Variants in KCMF1 observed in about 807,000 individuals in gnomAD.
KCMF1 encodes E3 ubiquitin-protein ligase KCMF1.
In KCMF1, 3 loss-of-function variants were observed where a neutral mutation model predicts 41.1. The ratio of observed to expected loss-of-function variants is 0.07; its 90% CI spans 0.03 to 0.19. The LOEUF is 0.19. Ranked by LOEUF, KCMF1 falls within the 10% of genes least tolerant of loss-of-function variation. KCMF1 has a pLI of 1.00. For missense variants in KCMF1, 286 were observed against 488.9 expected, an observed-to-expected ratio of 0.58 and a Z score of 3.91; for synonymous variants, 142 against 164.5, an observed-to-expected ratio of 0.86 and a Z score of 1.04.
intron 1 of KCMF1, among the ~76,000 whole-genome samples, chr2:85,026,645 T>C (rs1181232017): frequency 6.6e-6 from 1 of 151,588 alleles, no homozygotes; most frequent in Non-Finnish European, 1.5e-5. Context: ...CAGGCCACAA[T>C]GCCCAGCTAA....
At chr2:84,975,128 C>G (rs920516677) in intron 1 of KCMF1, among the ~76,000 whole-genome samples, 2 of 151,942 alleles carry the variant, frequency 1.3e-5, no homozygotes, top group Non-Finnish European at 2.9e-5. Flanking sequence ...GTGGACCGGC[C>G]GTGGTGGCTC....
Position 85,053,433 on chromosome 2 carries a change from G to T in KCMF1, c.*24G>T. 1 of 1,602,578 alleles carries T rather than the reference G, an allele frequency of 6.2e-7. No homozygotes were observed. The highest frequency in any genetic ancestry group is 1.1e-5 in the South Asian group (1 of 89,042). On this transcript the variant is annotated 3_prime_UTR_variant, in exon 7 of 7. Coordinates refer to ENST00000409785, the MANE Select transcript of KCMF1 (RefSeq NM_020122.5). ...GATGACATCCCAATTCGCAGACAAT[G>T]TCCTCTGTGCTGTATTTGCCAATGA...
At chr2:85,003,465 GAGA>G (rs1674383944) in intron 1 of KCMF1, among the ~76,000 whole-genome samples, 1 of 151,518 alleles carries the variant, frequency 6.6e-6, no homozygotes, top group Non-Finnish European at 1.5e-5. Flanking sequence ...GCGACAGAGT[GAGA>G]CTCCGTCTCA....
intron 1 of KCMF1, among the ~76,000 whole-genome samples, chr2:84,983,075 A>G (rs1169424448): frequency 1.3e-5 from 2 of 152,210 alleles, no homozygotes; most frequent in Admixed American, 6.5e-5. Context: ...CATATTTTCT[A>G]CAAGCTTTTT....
intron 1 of KCMF1, among the ~76,000 whole-genome samples, chr2:84,976,203 CCTT>C (rs1169712791): frequency 1.8e-3 from 264 of 149,218 alleles, no homozygotes; most frequent in Non-Finnish European, 2.6e-3. Context: ...CTTCTTAACT[CCTT>C]TTTTTTTTTT....
chr2:84,978,958 C>T (rs1673629546), intron 1 of KCMF1, among the ~76,000 whole-genome samples: 1 of 152,048 alleles, frequency 6.6e-6, no homozygotes, highest in African/African-American at 2.4e-5. Context: ...AGGTGATCTG[C>T]CCACCTCAGC....
intron 2 of KCMF1, among the ~76,000 whole-genome samples, chr2:85,030,678 C>T (rs1675245969): frequency 6.6e-6 from 1 of 152,080 alleles, no homozygotes; most frequent in Admixed American, 6.5e-5. Context: ...TCAGTCTATT[C>T]ACATTGATCT....
At chr2:84,972,675 T>C (rs1673431130) in intron 1 of KCMF1, among the ~76,000 whole-genome samples, 1 of 152,184 alleles carries the variant, frequency 6.6e-6, no homozygotes. Context: ...CTTTGGGAAA[T>C]ACGGACCTTA....
In KCMF1 at chr2:84,971,472, G is replaced by A; in HGVS notation, c.16+5G>A. On this transcript the variant is annotated splice_donor_5th_base_variant and intron_variant, in intron 1 of 6. Coordinates refer to ENST00000409785, the MANE Select transcript of KCMF1 (RefSeq NM_020122.5). ...CTAGGATGTCCCGACATGAAGGTGAGAGGAGCCCCCGCCCCCACCCGCACC... is the reference window on the plus strand; with the variant it reads ...CTAGGATGTCCCGACATGAAGGTGAAAGGAGCCCCCGCCCCCACCCGCACC... 1 of 1,279,484 alleles carries A rather than the reference G, an allele frequency of 7.8e-7. No homozygotes were observed. The highest frequency in any genetic ancestry group is 1.0e-6 in the Non-Finnish European group (1 of 990,362). 79.3% of individuals were successfully genotyped at this position (1,279,484 alleles called of 1,614,324 possible).
chr2:84,992,474 T>TC (rs1439018741), intron 1 of KCMF1, among the ~76,000 whole-genome samples: 1 of 152,102 alleles, frequency 6.6e-6, no homozygotes, highest in Non-Finnish European at 1.5e-5. Flanking sequence ...CAGGCTGGTC[T>TC]CAAACTCCTG....
chr2:85,049,223 G>C, intron 5 of KCMF1, 143 bp from the exon 6 acceptor site: 1 of 756,514 alleles, frequency 1.3e-6, no homozygotes, highest in South Asian at 1.8e-5. Context: ...ATTCTAGAAG[G>C]ATTCAGCTCT....
At chr2:85,030,200 G>C (rs536308262) in intron 2 of KCMF1, among the ~76,000 whole-genome samples, 1 of 151,820 alleles carries the variant, frequency 6.6e-6, no homozygotes, top group South Asian at 2.1e-4. Flanking sequence ...ATGTGTCTTT[G>C]TTATTGAATT....
chr2:84,978,633 G>C (rs940749784), intron 1 of KCMF1, among the ~76,000 whole-genome samples: 2 of 150,980 alleles, frequency 1.3e-5, no homozygotes, highest in Non-Finnish European at 1.5e-5. Flanking sequence ...TGTGGCCTCT[G>C]TCTCCCAGGT....
chr2:85,037,166 C>G (rs538261670), intron 3 of KCMF1, among the ~76,000 whole-genome samples: 1 of 152,138 alleles, frequency 6.6e-6, no homozygotes, highest in South Asian at 2.1e-4. Context: ...GTACATAGCC[C>G]AAGGCAGTTG....
chr2:85,053,430 A>T lies in KCMF1; in HGVS notation c.*21A>T, dbSNP rs776718818. On this transcript the variant is annotated 3_prime_UTR_variant, in exon 7 of 7. Coordinates refer to ENST00000409785, the MANE Select transcript of KCMF1 (RefSeq NM_020122.5). ...TTTGATGACATCCCAATTCGCAGAC[A>T]ATGTCCTCTGTGCTGTATTTGCCAA... 2 of 1,604,470 alleles carry T rather than the reference A, an allele frequency of 1.2e-6. No individual in the cohort carries two copies. Among genetic ancestry groups the T allele is most frequent in the African/African-American group, 2.7e-5 (2 of 74,638 alleles).
Position 85,008,379 on chromosome 2 carries a change from T to C in KCMF1, c.17-19510T>C, listed in dbSNP as rs368463646. Among the ~76,000 whole-genome samples, 25 of 123,786 alleles carry C rather than the reference T, an allele frequency of 2.0e-4. 1 individual carries two copies. In the East Asian group the frequency reaches 3.7e-3, roughly 18 times the overall value. 81.2% of individuals were successfully genotyped at this position (123,786 alleles called of 152,430 possible). On this transcript the variant is annotated intron_variant, in intron 1 of 6. Transcript: ENST00000409785. ...AATATATATTATATATCATATGATA[T>C]ATTATATATGATATATATTATATAT...
chr2:85,031,717 ACTGT>A (rs1675277106), intron 2 of KCMF1, among the ~76,000 whole-genome samples: 1 of 152,172 alleles, frequency 6.6e-6, no homozygotes, highest in South Asian at 2.1e-4. Flanking sequence ...TATTCTTTTT[ACTGT>A]CTTAAATGGA....
chr2:85,015,335 C>G (rs745715455), intron 1 of KCMF1, among the ~76,000 whole-genome samples: 9 of 152,058 alleles, frequency 5.9e-5, no homozygotes, highest in Non-Finnish European at 1.2e-4. Flanking sequence ...CTTTATCCAC[C>G]TCCTCTTCCT....
At chr2:85,019,095 T>G (rs1674863640) in intron 1 of KCMF1, among the ~76,000 whole-genome samples, 1 of 152,216 alleles carries the variant, frequency 6.6e-6, no homozygotes, top group Admixed American at 6.5e-5. Context: ...CAGAAGCAAC[T>G]TCATTCTTCC....
Sources: gnomAD v4.1 joint callset for allele counts (sites outside exome capture counted in the v4.1 genomes callset) on GRCh38, gnomAD v4.1.1 for gene constraint, MANE v1.5 for transcripts, NCBI Gene and HGNC (gene_info 2026-07-23, HGNC 2026-07-21) for gene names.